The following SLC35F2 variants were observed in gnomAD, a reference collection of about 807,000 sequenced individuals.
The protein encoded by SLC35F2 is solute carrier family 35 member F2.
Under a neutral mutation model 38.1 loss-of-function variants are expected in SLC35F2, and 25 were observed. That is an observed-to-expected ratio of 0.66 (90% CI 0.48 to 0.92). The LOEUF is 0.92. SLC35F2 is among the 40% of genes least tolerant of loss of function. SLC35F2 has a pLI of 0.00. For synonymous variants in SLC35F2, 173 were observed against 181.7 expected (o/e 0.95, Z 0.38); for missense variants, 409 against 452.9 (o/e 0.90, Z 0.88).
At chr11:107,858,385 A>C in intron 1 of SLC35F2, 8 of 252,196 alleles carry the variant, frequency 3.2e-5, no homozygotes, top group East Asian at 1.3e-4. Context: ...CCGACCTAAT[A>C]GTGCCACAGG....
chr11:107,834,561 A>T (rs1214703992), intron 1 of SLC35F2, among the ~76,000 whole-genome samples: 1 of 152,112 alleles, frequency 6.6e-6, no homozygotes, highest in Admixed American at 6.5e-5. Flanking sequence ...GAGGCAGGAG[A>T]ATCACTTGAA....
At chr11:107,804,111 C>T (rs1046477406) in intron 6 of SLC35F2, among the ~76,000 whole-genome samples, 2 of 151,712 alleles carry the variant, frequency 1.3e-5, no homozygotes, top group African/African-American at 2.4e-5. Flanking sequence ...GCTGGGATTA[C>T]GGGCGTGAGC....
chr11:107,800,082 G>T (rs912254857), intron 7 of SLC35F2, among the ~76,000 whole-genome samples: 10 of 150,650 alleles, frequency 6.6e-5, no homozygotes, highest in African/African-American at 2.4e-4. Flanking sequence ...TAGAGACAGG[G>T]TTTCACCGTG....
intron 7 of SLC35F2, among the ~76,000 whole-genome samples, chr11:107,800,991 G>C (rs1019098605): frequency 1.9e-4 from 27 of 143,564 alleles, no homozygotes; most frequent in African/African-American, 6.6e-4. Flanking sequence ...TACAACCTCT[G>C]CCTCTCAGGT....
At chr11:107,836,688 G>A (rs1414655196) in intron 1 of SLC35F2, among the ~76,000 whole-genome samples, 1 of 152,156 alleles carries the variant, frequency 6.6e-6, no homozygotes, top group East Asian at 1.9e-4. Context: ...AAAACCTCCA[G>A]AAAAGAATGC....
At chr11:107,827,693 G>A (rs192752522) in intron 1 of SLC35F2, among the ~76,000 whole-genome samples, 78 of 150,836 alleles carry the variant, frequency 5.2e-4, no homozygotes, top group Admixed American at 1.5e-3. Context: ...TGGTTGCAGT[G>A]AGCCGAGATC....
At chr11:107,805,209 T>C (rs1859372854) in intron 5 of SLC35F2, 150 bp downstream of exon 5, 1 of 1,397,194 alleles carries the variant, frequency 7.2e-7, no homozygotes, top group African/African-American at 1.5e-5. Flanking sequence ...CAGCAAGTTA[T>C]TAGGTAATGG....
chr11:107,849,209 C>T (rs574098075), intron 1 of SLC35F2, among the ~76,000 whole-genome samples: 138 of 152,278 alleles, frequency 9.1e-4, no homozygotes, highest in African/African-American at 3.2e-3. Context: ...GCCATTAATA[C>T]TCTTTCGTTT....
chr11:107,850,312 G>A (rs1411990427), intron 1 of SLC35F2, among the ~76,000 whole-genome samples: 1 of 152,192 alleles, frequency 6.6e-6, no homozygotes, highest in Non-Finnish European at 1.5e-5. Flanking sequence ...AACACTGGTG[G>A]ATGGACCACG....
At chr11:107,836,864 A>G (rs938079610) in intron 1 of SLC35F2, among the ~76,000 whole-genome samples, 3 of 152,240 alleles carry the variant, frequency 2.0e-5, no homozygotes, top group Non-Finnish European at 4.4e-5. Flanking sequence ...TGCATGTGAT[A>G]CTTTAAAACA....
intron 1 of SLC35F2, among the ~76,000 whole-genome samples, chr11:107,841,937 G>A (rs1462118659): frequency 6.6e-6 from 1 of 151,012 alleles, no homozygotes; most frequent in Non-Finnish European, 1.5e-5. Flanking sequence ...GTGGTGGTGT[G>A]CACCTGTAAT....
At chr11:107,851,039 C>T (rs572759120) in intron 1 of SLC35F2, among the ~76,000 whole-genome samples, 4 of 150,764 alleles carry the variant, frequency 2.7e-5, no homozygotes, top group Non-Finnish European at 4.4e-5. Flanking sequence ...CTAAGGTGGG[C>T]GGATCACAAG....
Position 107,805,362 on chromosome 11 carries a change from T to C in SLC35F2, c.728A>G (p.Gln243Arg). ...GLFGTIISGI[Q>R]LLIVEYKDIA... ...GAAAAAAATTGTAGAATCTTACAGC[T>C]GTATACCACTGATAATTGTTCCAAA... The change falls in exon 5 of 8, where the codon CAG becomes CGG. Residue 243 changes from glutamine to arginine, a missense_variant. Gln to Arg is a conservative substitution (Grantham distance 43). Coordinates refer to ENST00000525815, the MANE Select transcript of SLC35F2 (RefSeq NM_017515.5). 4.3e-6 allele frequency: 7 copies of C among 1,611,608 alleles called. No individual in the cohort carries two copies. Among genetic ancestry groups the C allele is most frequent in the Non-Finnish European group, 5.9e-6 (7 of 1,179,358 alleles).
At chr11:107,793,314 G>A (rs1392121238) in intron 7 of SLC35F2, among the ~76,000 whole-genome samples, 5 of 152,160 alleles carry the variant, frequency 3.3e-5, no homozygotes, top group Admixed American at 6.5e-5. Context: ...AACAGCACCC[G>A]GCACATAAGC....
In SLC35F2 at chr11:107,810,899, A is replaced by G. The variant is rs370620080; in HGVS notation, c.414+768T>C. ...CTGTATTTTGTATAGTGAGAAAGGG[A>G]CATATCAAAAAGTTATAAACTTCAA... On this transcript the variant is annotated intron_variant, in intron 3 of 7. Transcript: ENST00000525815. The G allele has an allele frequency of 1.2e-5, 12 of 980,598 alleles. No homozygotes were observed. The East Asian group carries it at 5.7e-4, about 46-fold the overall frequency. 60.7% of individuals were successfully genotyped at this position (980,598 alleles called of 1,614,324 possible).
At position 107,803,164 on chromosome 11, in the gene SLC35F2, A is replaced by G. The variant is rs777420425; in HGVS notation, c.785-9T>C. The G allele has an allele frequency of 6.3e-7, 1 of 1,592,124 alleles. No homozygotes were observed. Among genetic ancestry groups the G allele is most frequent in the East Asian group, 2.3e-5 (1 of 44,408 alleles). ...TGCCACGAACAGCAGGGCTGTGGAAAAAAACATGGAATATCTAATATTAGG... is the reference window on the plus strand; with the variant it reads ...TGCCACGAACAGCAGGGCTGTGGAAGAAAACATGGAATATCTAATATTAGG... On this transcript the variant is annotated splice_polypyrimidine_tract_variant and intron_variant, in intron 6 of 7. Transcript: ENST00000525815.
chr11:107,857,312 A>AGAGAGGGAAGGAAGGAAGGAAG, intron 1 of SLC35F2, among the ~76,000 whole-genome samples: 1 of 140,602 alleles, frequency 7.1e-6, no homozygotes, highest in Middle Eastern at 3.7e-3. Flanking sequence ...CGAAGGAAGG[A>AGAGAGGGAAGGAAGGAAGGAAG]GAGAGGGAAG....
At chr11:107,811,113 C>A (rs1859473000) in intron 3 of SLC35F2, 1 of 985,170 alleles carries the variant, frequency 1.0e-6, no homozygotes, top group African/African-American at 1.7e-5. Context: ...ATTAAGACAA[C>A]TGAAATCAGT....
chr11:107,843,511 T>C (rs1387469288), intron 1 of SLC35F2, among the ~76,000 whole-genome samples: 2 of 150,628 alleles, frequency 1.3e-5, no homozygotes, highest in Non-Finnish European at 2.9e-5. Context: ...GATCGCACCA[T>C]TGCACTCCAG....
Sources: allele counts gnomAD v4.1 joint callset (sites outside exome capture counted in the v4.1 genomes callset), GRCh38; gene constraint gnomAD v4.1.1; transcripts MANE v1.5; gene names NCBI Gene and HGNC (gene_info 2026-07-23, HGNC 2026-07-21).